The following IPO11 variants were observed in gnomAD, a reference collection of about 807,000 sequenced individuals.
IPO11 encodes importin-11.
IPO11 carries 66 observed loss-of-function variants against 143.2 expected under a neutral mutation model. The observed-to-expected ratio is 0.46, with a 90% CI of 0.38 to 0.57. The LOEUF is 0.57. IPO11 is among the 20% of genes least tolerant of loss of function. The probability of loss-of-function intolerance (pLI) is 0.00; values close to 1 mark genes in which losing one functional copy is unlikely to be tolerated. For missense variants in IPO11, 1,026 were observed against 1,141.0 expected (o/e 0.90, Z 1.45); for synonymous variants, 385 against 377.8 (o/e 1.02, Z -0.22).
intron 5 of IPO11, among the ~76,000 whole-genome samples, chr5:62,465,495 A>G (rs983741987): frequency 2.0e-5 from 3 of 152,212 alleles, no homozygotes; most frequent in Non-Finnish European, 4.4e-5. Flanking sequence ...TCTCTGCTAT[A>G]ATACTACTTC....
intron 5 of IPO11, among the ~76,000 whole-genome samples, chr5:62,460,534 A>G (rs988164370): frequency 1.3e-5 from 2 of 152,200 alleles, no homozygotes; most frequent in Non-Finnish European, 1.5e-5. Context: ...TTCTTAAGGG[A>G]AAATTATGAA....
chr5:62,555,531 T>C (rs1261542680), intron 26 of IPO11, among the ~76,000 whole-genome samples: 1 of 148,980 alleles, frequency 6.7e-6, no homozygotes, highest in Non-Finnish European at 1.5e-5. Flanking sequence ...TGAGACAGAG[T>C]CTTGCTCTGT....
chr5:62,497,975 G>A (rs1435507143), intron 16 of IPO11, among the ~76,000 whole-genome samples: 1 of 151,706 alleles, frequency 6.6e-6, no homozygotes, highest in Non-Finnish European at 1.5e-5. Flanking sequence ...TCTGGAATTT[G>A]TGCCGTTTCA....
chr5:62,507,576 A>C (rs1741595907), intron 19 of IPO11, among the ~76,000 whole-genome samples: 1 of 152,190 alleles, frequency 6.6e-6, no homozygotes, highest in Non-Finnish European at 1.5e-5. Flanking sequence ...ATGAGCATAA[A>C]ATTATTTCAC....
At chr5:62,580,460 A>T in intron 27 of IPO11, 5 of 1,551,450 alleles carry the variant, frequency 3.2e-6, no homozygotes, top group Non-Finnish European at 4.4e-6. Context: ...ACAGCCTTGC[A>T]TCCAAGGGTC....
chr5:62,523,205 CT>C (rs200140676), intron 20 of IPO11, among the ~76,000 whole-genome samples: 2 of 151,416 alleles, frequency 1.3e-5, no homozygotes, highest in African/African-American at 2.4e-5. Context: ...GTTTTTAGTT[CT>C]TTTTTTTTAA....
intron 1 of IPO11, among the ~76,000 whole-genome samples, chr5:62,415,313 G>A (rs1442907435): frequency 1.3e-5 from 2 of 150,142 alleles, no homozygotes; most frequent in African/African-American, 4.9e-5. Flanking sequence ...ACAGGTGCCT[G>A]CCACCAAGCC....
intron 19 of IPO11, among the ~76,000 whole-genome samples, chr5:62,513,808 A>G (rs74757928): frequency 0.091 from 13,130 of 144,500 alleles, 542 homozygotes; most frequent in East Asian, 0.14. Flanking sequence ...GGTGGCAGCC[A>G]GGCGGAGGGG....
intron 1 of IPO11, among the ~76,000 whole-genome samples, chr5:62,436,867 TTACTTA>T (rs1289713401): frequency 1.3e-5 from 2 of 152,218 alleles, no homozygotes; most frequent in African/African-American, 4.8e-5. Flanking sequence ...AAGTTAGGTG[TTACTTA>T]CTGTATGGTT....
At chr5:62,463,575 G>T (rs1745453882) in intron 5 of IPO11, among the ~76,000 whole-genome samples, 1 of 151,784 alleles carries the variant, frequency 6.6e-6, no homozygotes, top group Non-Finnish European at 1.5e-5. Flanking sequence ...GGAGGTTGAG[G>T]TGAGGGGATT....
At chr5:62,580,897 C>A in intron 27 of IPO11, 1 of 1,551,376 alleles carries the variant, frequency 6.4e-7, no homozygotes, top group African/African-American at 1.4e-5. Flanking sequence ...TGTGCAAATA[C>A]AACTTACTAC....
chr5:62,543,756 T>G (rs1743045364), intron 24 of IPO11, among the ~76,000 whole-genome samples: 1 of 152,214 alleles, frequency 6.6e-6, no homozygotes, highest in Admixed American at 6.5e-5. Flanking sequence ...CTTGCTTCTC[T>G]AGTTCTTTTA....
chr5:62,473,424 AGAGTC>A (rs937640109), intron 7 of IPO11, among the ~76,000 whole-genome samples: 1 of 152,172 alleles, frequency 6.6e-6, no homozygotes, highest in Non-Finnish European at 1.5e-5. Context: ...ATGGATATTG[AGAGTC>A]TGAGAGCAGT....
intron 26 of IPO11, among the ~76,000 whole-genome samples, chr5:62,551,759 T>C (rs1172604057): frequency 6.6e-6 from 1 of 152,190 alleles, no homozygotes; most frequent in Non-Finnish European, 1.5e-5. Flanking sequence ...TTAGCAAAGG[T>C]TTATTTTTAA....
chr5:62,572,654 T>G (rs1488159524), intron 27 of IPO11, among the ~76,000 whole-genome samples: 1 of 152,042 alleles, frequency 6.6e-6, no homozygotes, highest in East Asian at 1.9e-4. Context: ...TGATCTTGGC[T>G]CACTGCAGCC....
chr5:62,546,295 G>A (rs1743178493), intron 24 of IPO11, among the ~76,000 whole-genome samples: 1 of 152,190 alleles, frequency 6.6e-6, no homozygotes, highest in South Asian at 2.1e-4. Flanking sequence ...TATGTCCTTT[G>A]TAGGGACATG....
At chr5:62,615,101 G>T (rs1390336225) in intron 29 of IPO11, among the ~76,000 whole-genome samples, 1 of 152,080 alleles carries the variant, frequency 6.6e-6, no homozygotes, top group East Asian at 1.9e-4. Context: ...GTCTATATAG[G>T]TACAGGATAA....
chr5:62,542,183 A>G (rs1182989531), intron 24 of IPO11, among the ~76,000 whole-genome samples: 1 of 152,060 alleles, frequency 6.6e-6, no homozygotes, highest in African/African-American at 2.4e-5. Flanking sequence ...AGAATGAAAA[A>G]TTGAGAATCT....
rs116683243 is a variant in IPO11 at position 62,498,456 on chromosome 5, G to T, written c.1590+4332G>T. Among the ~76,000 whole-genome samples, 1,391 of 152,310 alleles carry T rather than the reference G, an allele frequency of 9.1e-3. 19 individuals carry two copies. The highest frequency in any genetic ancestry group is 0.032 in the African/African-American group (1,311 of 41,556). ...CACTGTAAACTAGAATTGCTAAACT[G>T]TAGTTTAGAGGAACCTTCTTTTCCC... On this transcript the variant is annotated intron_variant, in intron 16 of 29. Coordinates refer to ENST00000325324, the MANE Select transcript of IPO11 (RefSeq NM_016338.5).
Sources: gnomAD v4.1 joint callset for allele counts (sites outside exome capture counted in the v4.1 genomes callset) on GRCh38, gnomAD v4.1.1 for gene constraint, MANE v1.5 for transcripts, NCBI Gene and HGNC (gene_info 2026-07-23, HGNC 2026-07-21) for gene names.